MON2: variants seen among roughly 807,000 people sequenced by gnomAD.
MON2 encodes the protein MON2 regulator of endosome-to-Golgi trafficking.
Under a neutral mutation model 208.6 loss-of-function variants are expected in MON2, and 84 were observed. That is an observed-to-expected ratio of 0.40 (90% CI 0.34 to 0.48). The LOEUF is 0.48. MON2 is among the 20% of genes least tolerant of loss of function. The probability of loss-of-function intolerance (pLI) is 0.59; values close to 1 mark genes in which losing one functional copy is unlikely to be tolerated. For missense variants in MON2, 1,611 were observed against 2,015.4 expected (o/e 0.80, Z 3.84); for synonymous variants, 660 against 694.0 (o/e 0.95, Z 0.77).
At chr12:62,542,361 A>G (rs897786871) in intron 19 of MON2, among the ~76,000 whole-genome samples, 2 of 152,206 alleles carry the variant, frequency 1.3e-5, no homozygotes, top group Middle Eastern at 6.8e-3. Flanking sequence ...TTTTTTATTC[A>G]GTTGTCTTGT....
At position 62,543,204 on chromosome 12, in the gene MON2, T is replaced by C; in HGVS notation, c.2466+6T>C. Reference sequence around the variant, plus strand: ...TGACTGGCCATCTACTTGAGGTAAATTCTCTTTCTTAAATATATTTAATTT... The same window carrying C: ...TGACTGGCCATCTACTTGAGGTAAACTCTCTTTCTTAAATATATTTAATTT... On this transcript the variant is annotated splice_donor_region_variant and intron_variant, in intron 20 of 34. Coordinates refer to ENST00000393630, the MANE Select transcript of MON2 (RefSeq NM_015026.3). The C allele has an allele frequency of 7.0e-7, 1 of 1,430,786 alleles. No individual in the cohort carries two copies. Among genetic ancestry groups the C allele is most frequent in the Admixed American group, 2.3e-5 (1 of 42,970 alleles). 88.6% of individuals were successfully genotyped at this position (1,430,786 alleles called of 1,614,324 possible).
At chr12:62,484,688 G>A (rs992972047) in intron 2 of MON2, 7 of 152,328 alleles carry the variant, frequency 4.6e-5, no homozygotes, top group African/African-American at 1.4e-4. Flanking sequence ...TATGAATTTT[G>A]AGTCTTGGGA....
intron 34 of MON2, among the ~76,000 whole-genome samples, chr12:62,591,760 CA>C (rs1452323654): frequency 6.6e-6 from 1 of 152,096 alleles, no homozygotes; most frequent in Non-Finnish European, 1.5e-5. Flanking sequence ...AATTGACACC[CA>C]GTAAATTGTA....
At chr12:62,531,012 G>A (rs1401040362) in intron 11 of MON2, among the ~76,000 whole-genome samples, 1 of 152,130 alleles carries the variant, frequency 6.6e-6, no homozygotes, top group Middle Eastern at 3.4e-3. Flanking sequence ...GTGCTTCTTG[G>A]CCATTTATAT....
Position 62,552,990 on chromosome 12 carries a change from A to G in MON2, c.3026A>G (p.Asn1009Ser), listed in dbSNP as rs746924815. Residue 1009 changes from asparagine to serine, a missense_variant, in exon 24 of 35, where the codon AAT (asparagine) becomes AGT (serine). Asn to Ser is a conservative substitution (Grantham distance 46). Coordinates refer to ENST00000393630, the MANE Select transcript of MON2 (RefSeq NM_015026.3). ...GCAGAAGAGAAAGGAGTTGTTTTAA[A>G]TCGGCCATTCCACCCTGCACCGCCA... is the stretch of plus-strand genomic sequence containing the variant. ...KQAEEKGVVL[N>S]RPFHPAPPFD... The G allele has an allele frequency of 6.2e-7, 1 of 1,614,208 alleles. No homozygotes were observed. The highest frequency in any genetic ancestry group is 1.1e-5 in the South Asian group (1 of 91,088).
chr12:62,524,360 T>G (rs1430526691), intron 8 of MON2, among the ~76,000 whole-genome samples, 155 bp from the exon 9 acceptor site: 1 of 152,202 alleles, frequency 6.6e-6, no homozygotes, highest in Non-Finnish European at 1.5e-5. Context: ...TAACTACATT[T>G]CCTTTCTCTG....
intron 34 of MON2, among the ~76,000 whole-genome samples, chr12:62,591,082 A>G (rs992936629): frequency 6.6e-6 from 1 of 152,256 alleles, no homozygotes; most frequent in Non-Finnish European, 1.5e-5. Context: ...CATCTGGGAC[A>G]ACCTAGACAG....
chr12:62,493,146 T>A (rs1349851692), intron 2 of MON2, among the ~76,000 whole-genome samples: 1 of 152,232 alleles, frequency 6.6e-6, no homozygotes, highest in Non-Finnish European at 1.5e-5. Context: ...CAAACTTGTC[T>A]TATCCATCTT....
intron 25 of MON2, 117 bp downstream of exon 25, chr12:62,556,309 A>G: frequency 1.0e-6 from 1 of 1,003,274 alleles, no homozygotes; most frequent in Non-Finnish European, 1.5e-6. Flanking sequence ...GTGTGTGTGT[A>G]AGCATCTGTG....
chr12:62,571,112 A>G (rs1431990234), intron 29 of MON2, among the ~76,000 whole-genome samples: 1 of 152,048 alleles, frequency 6.6e-6, no homozygotes. Context: ...TAATATCCCT[A>G]TTATTTATGA....
At chr12:62,473,985 T>A (rs2068932764) in intron 1 of MON2, among the ~76,000 whole-genome samples, 1 of 152,190 alleles carries the variant, frequency 6.6e-6, no homozygotes, top group African/African-American at 2.4e-5. Flanking sequence ...GCTGCGATGC[T>A]GATGACTCTT....
rs747465883 is a variant in MON2, at chr12:62,526,004, G to A, written c.1302G>A (p.Gly434=). 1 of 1,613,796 alleles carries A rather than the reference G, an allele frequency of 6.2e-7. No homozygotes were observed. Among genetic ancestry groups the A allele is most frequent in the Non-Finnish European group, 8.5e-7 (1 of 1,179,840 alleles). ...CACCAGCTAACTCAGGAATGGTGGG[G>A]ATTGGTGGAGGTGTTACTTTGCTAC... is the stretch of plus-strand genomic sequence containing the variant. ...VSAPANSGMV[G]IGGGVTLLPA... Residue 434 remains glycine, a synonymous_variant, in exon 11 of 35, where the codon GGG becomes GGA. Coordinates refer to ENST00000393630, the MANE Select transcript of MON2 (RefSeq NM_015026.3).
At chr12:62,536,611 A>G (rs1176325794) in intron 14 of MON2, among the ~76,000 whole-genome samples, 1 of 152,110 alleles carries the variant, frequency 6.6e-6, no homozygotes, top group Non-Finnish European at 1.5e-5. Flanking sequence ...AAAGTTATAT[A>G]ATTTTATGTT....
Position 62,524,524 on chromosome 12 carries a change from T to C in MON2, c.994T>C (p.Cys332Arg). 6.2e-7 allele frequency: 1 copy of C among 1,608,304 alleles called. No individual in the cohort carries two copies. Among genetic ancestry groups the C allele is most frequent in the Non-Finnish European group, 8.5e-7 (1 of 1,175,018 alleles). Residue 332 changes from cysteine to arginine, a missense_variant, in exon 9 of 35, where the codon TGT (cysteine) becomes CGT (arginine). Transcript: ENST00000393630. ...AATCATATATTTTTAGGTAACTGAA[T>C]GTGAGATATTTCTGTCACTTCTGGT... is the stretch of plus-strand genomic sequence containing the variant. ...KQFYSLLVTECEIFLSLLVKF... is the reference protein window; with the variant it reads ...KQFYSLLVTEREIFLSLLVKF...
intron 27 of MON2, 110 bp from the exon 28 acceptor site, chr12:62,565,903 AT>A: frequency 1.0e-6 from 1 of 1,004,282 alleles, no homozygotes; most frequent in Non-Finnish European, 1.4e-6. Flanking sequence ...GCCCATGCTG[AT>A]TTTGTTCACT....
intron 32 of MON2, among the ~76,000 whole-genome samples, chr12:62,583,979 A>AC (rs900978811): frequency 5.3e-5 from 8 of 151,166 alleles, no homozygotes; most frequent in African/African-American, 1.2e-4. Context: ...AAAAAACAAA[A>AC]AAAAAAAACA....
chr12:62,491,179 G>A (rs536258708), intron 2 of MON2, among the ~76,000 whole-genome samples: 47 of 152,204 alleles, frequency 3.1e-4, no homozygotes, highest in Non-Finnish European at 4.3e-4. Flanking sequence ...AAAACTTTCC[G>A]TTAACATCTT....
chr12:62,497,542 A>G (rs2070585635), intron 4 of MON2, among the ~76,000 whole-genome samples: 1 of 152,248 alleles, frequency 6.6e-6, no homozygotes, highest in Non-Finnish European at 1.5e-5. Flanking sequence ...CTGTAGGGAT[A>G]GTTCTAAATT....
chr12:62,568,852 CTTG>C (rs1354263091), intron 29 of MON2, among the ~76,000 whole-genome samples: 1 of 151,946 alleles, frequency 6.6e-6, no homozygotes, highest in Non-Finnish European at 1.5e-5. Context: ...GGGGTTTCAC[CTTG>C]TTGGCTAGGC....
Sources: gnomAD v4.1 joint callset for allele counts (sites outside exome capture counted in the v4.1 genomes callset) on GRCh38, gnomAD v4.1.1 for gene constraint, MANE v1.5 for transcripts, NCBI Gene and HGNC (gene_info 2026-07-23, HGNC 2026-07-21) for gene names.